ADCY8: variants seen among roughly 807,000 people sequenced by gnomAD.
ADCY8 encodes adenylate cyclase type 8.
In ADCY8, 51 loss-of-function variants were observed where a neutral mutation model predicts 119.7. The ratio of observed to expected loss-of-function variants is 0.43; its 90% confidence interval spans 0.34 to 0.54. ADCY8 has a LOEUF of 0.54. ADCY8 is among the 20% of genes least tolerant of loss of function. The pLI is 0.03. For synonymous variants in ADCY8, 665 were observed against 651.0 expected, an observed-to-expected ratio of 1.02 and a Z score of -0.33; for missense variants, 1,383 against 1,598.8, an observed-to-expected ratio of 0.87 and a Z score of 2.30.
intron 9 of ADCY8, among the ~76,000 whole-genome samples, chr8:130,854,505 T>C (rs1315176688): frequency 1.3e-5 from 2 of 152,332 alleles, no homozygotes; most frequent in Non-Finnish European, 2.9e-5. Context: ...AGATGGCACC[T>C]GGACAACACT....
At chr8:130,893,150 T>C (rs1485215731) in intron 7 of ADCY8, among the ~76,000 whole-genome samples, 1 of 152,226 alleles carries the variant, frequency 6.6e-6, no homozygotes, top group African/African-American at 2.4e-5. Flanking sequence ...GGCACACTCA[T>C]TTAGATCCGA....
chr8:130,826,962 G>A (rs929951824), intron 12 of ADCY8, among the ~76,000 whole-genome samples: 5 of 152,104 alleles, frequency 3.3e-5, no homozygotes, highest in African/African-American at 1.2e-4. Context: ...AATACCTAAT[G>A]TAAATGACGA....
chr8:130,938,307 G>A (rs958001714), intron 4 of ADCY8, among the ~76,000 whole-genome samples: 1 of 152,186 alleles, frequency 6.6e-6, no homozygotes, highest in Admixed American at 6.5e-5. Context: ...GGGCCTGGCA[G>A]ATGGGGCACT....
At chr8:130,954,602 G>A (rs1029546266) in intron 2 of ADCY8, among the ~76,000 whole-genome samples, 2 of 152,124 alleles carry the variant, frequency 1.3e-5, no homozygotes, top group Non-Finnish European at 2.9e-5. Flanking sequence ...CCTATCCTGT[G>A]GCAAGCACTA....
At chr8:130,822,699 G>T (rs1194383338) in intron 12 of ADCY8, among the ~76,000 whole-genome samples, 2 of 152,092 alleles carry the variant, frequency 1.3e-5, no homozygotes, top group African/African-American at 2.4e-5. Context: ...AGCCTCTGAA[G>T]TTTGTGGACC....
chr8:130,901,110 G>A (rs1405295043), intron 7 of ADCY8, among the ~76,000 whole-genome samples: 1 of 152,120 alleles, frequency 6.6e-6, no homozygotes, highest in Non-Finnish European at 1.5e-5. Flanking sequence ...CAAGCCCTGT[G>A]ATTTGCCAGG....
intron 8 of ADCY8, among the ~76,000 whole-genome samples, chr8:130,877,735 C>A (rs888142553): frequency 4.6e-5 from 7 of 152,028 alleles, no homozygotes; most frequent in African/African-American, 1.7e-4. Flanking sequence ...TTAGAATAAT[C>A]AAATCATTTA....
intron 8 of ADCY8, among the ~76,000 whole-genome samples, chr8:130,868,811 T>G (rs566166074): frequency 1.3e-5 from 2 of 152,284 alleles, no homozygotes; most frequent in African/African-American, 4.8e-5. Context: ...GAAAACTAAG[T>G]GTCACTTTGG....
intron 14 of ADCY8, among the ~76,000 whole-genome samples, chr8:130,810,688 C>T (rs1816137183): frequency 6.6e-6 from 1 of 152,180 alleles, no homozygotes; most frequent in South Asian, 2.1e-4. Flanking sequence ...GGCAATGTAA[C>T]CATGATTGGT....
intron 15 of ADCY8, among the ~76,000 whole-genome samples, chr8:130,794,646 C>T (rs958924525): frequency 2.6e-5 from 4 of 152,262 alleles, no homozygotes; most frequent in East Asian, 3.9e-4. Context: ...AGTTATGTGC[C>T]AAGTGTATTA....
At chr8:130,971,550 A>G (rs918237602) in intron 2 of ADCY8, among the ~76,000 whole-genome samples, 2 of 152,182 alleles carry the variant, frequency 1.3e-5, no homozygotes, top group African/African-American at 4.8e-5. Context: ...AAAATGATGC[A>G]ATTTACTGAA....
At chr8:130,781,514 A>G (rs1001767222) in intron 17 of ADCY8, among the ~76,000 whole-genome samples, 4 of 152,338 alleles carry the variant, frequency 2.6e-5, no homozygotes, top group Admixed American at 2.0e-4. Context: ...CTTACAGGAT[A>G]AAGCCAATGA....
chr8:130,847,162 G>A (rs1439082544), intron 11 of ADCY8, among the ~76,000 whole-genome samples: 2 of 151,994 alleles, frequency 1.3e-5, no homozygotes, highest in South Asian at 2.1e-4. Flanking sequence ...GGAAGAGAAA[G>A]AGGGAGAAAG....
chr8:130,945,601 G>C (rs1354346480), intron 3 of ADCY8, among the ~76,000 whole-genome samples: 1 of 152,164 alleles, frequency 6.6e-6, no homozygotes, highest in Non-Finnish European at 1.5e-5. Context: ...CATAGTAAAT[G>C]TTCCTTAAAC....
At chr8:130,893,978 G>A (rs952585901) in intron 7 of ADCY8, among the ~76,000 whole-genome samples, 3 of 152,036 alleles carry the variant, frequency 2.0e-5, no homozygotes, top group African/African-American at 7.2e-5. Flanking sequence ...AGCTTTGAAG[G>A]TTCAGAAGTA....
chr8:130,906,580 T>C (rs1423855433), intron 6 of ADCY8, among the ~76,000 whole-genome samples: 1 of 152,176 alleles, frequency 6.6e-6, no homozygotes, highest in African/African-American at 2.4e-5. Context: ...ATGTTTCTTT[T>C]CATCCTTGTT....
intron 9 of ADCY8, among the ~76,000 whole-genome samples, chr8:130,865,831 G>A (rs1264630714): frequency 6.6e-6 from 1 of 152,072 alleles, no homozygotes; most frequent in Non-Finnish European, 1.5e-5. Context: ...TTTATCATGA[G>A]AGGGAGATTA....
chr8:130,902,802 C>T (rs1819646438), intron 7 of ADCY8, among the ~76,000 whole-genome samples: 1 of 152,002 alleles, frequency 6.6e-6, no homozygotes, highest in African/African-American at 2.4e-5. Context: ...GTACTCTCAG[C>T]TTCTGCTTGG....
At chr8:130,789,068 G>A (rs1417654238) in intron 15 of ADCY8, among the ~76,000 whole-genome samples, 1 of 152,194 alleles carries the variant, frequency 6.6e-6, no homozygotes, top group Non-Finnish European at 1.5e-5. Context: ...TGAATAAACT[G>A]TTGGGAATGA....
Sources: gnomAD v4.1 joint callset for allele counts (sites outside exome capture counted in the v4.1 genomes callset) on GRCh38, gnomAD v4.1.1 for gene constraint, MANE v1.5 for transcripts, NCBI Gene and HGNC (gene_info 2026-07-23, HGNC 2026-07-21) for gene names.